CLPTM1: variants seen among roughly 807,000 people sequenced by gnomAD.
CLPTM1 encodes the protein CLPTM1 regulator of GABA type A receptor forward trafficking, also known as putative lipid scramblase CLPTM1.
Under a neutral mutation model 77.3 loss-of-function variants are expected in CLPTM1, and 21 were observed. That is an observed-to-expected ratio of 0.27 (90% confidence interval 0.19 to 0.39). The LOEUF is 0.39. Ranked by LOEUF, CLPTM1 falls within the 10% of genes least tolerant of loss-of-function variation. CLPTM1 has a pLI of 1.00. For missense variants in CLPTM1, 642 were observed against 921.2 expected, an observed-to-expected ratio of 0.70 and a Z score of 3.92; for synonymous variants, 373 against 381.0, an observed-to-expected ratio of 0.98 and a Z score of 0.24.
Position 44,993,215 on chromosome 19 carries a change from C to T in CLPTM1, c.*318C>T, listed in dbSNP as rs902778474. 1.8e-6 allele frequency: 1 copy of T among 557,926 alleles called. No individual in the cohort carries two copies. Among genetic ancestry groups the T allele is most frequent in the Non-Finnish European group, 3.4e-6 (1 of 293,464 alleles). The allele number at this position is 557,926 out of a possible 1,614,324, so 34.6% of individuals were successfully genotyped here. On this transcript the variant is annotated 3_prime_UTR_variant, in exon 14 of 14. Coordinates refer to ENST00000337392, the MANE Select transcript of CLPTM1 (RefSeq NM_001294.4). ...TGGGCGGGGGTGGGGCCGGGCCCCC[C>T]TACGGGATGCCCACGGCCGTTCATC... is the stretch of plus-strand genomic sequence containing the variant.
chr19:44,977,267 G>A, intron 4 of CLPTM1, 76 bp from the exon 5 acceptor site: 2 of 1,055,142 alleles, frequency 1.9e-6, no homozygotes, highest in Non-Finnish European at 2.9e-6. Context: ...TGCTGCAGAT[G>A]GGTGCCAGGC....
chr19:44,976,296 G>A (rs147825223), intron 4 of CLPTM1, among the ~76,000 whole-genome samples: 5 of 152,184 alleles, frequency 3.3e-5, no homozygotes, highest in East Asian at 1.9e-4. Context: ...GATCTAAGTC[G>A]AAGCTTCAGG....
chr19:44,970,984 C>T (rs1367276005), intron 2 of CLPTM1, among the ~76,000 whole-genome samples: 1 of 147,332 alleles, frequency 6.8e-6, no homozygotes, highest in African/African-American at 2.6e-5. Flanking sequence ...GCATGCACCA[C>T]CACTCCTGGC....
upstream of CLPTM1, chr19:44,954,781 G>A (rs555492369): frequency 7.0e-5 from 95 of 1,347,960 alleles, no homozygotes; most frequent in South Asian, 1.4e-3. Flanking sequence ...GGGTCTCATC[G>A]GAGGTTTGTT....
intron 8 of CLPTM1, 153 bp downstream of exon 8, chr19:44,987,576 A>G (rs1966256091): frequency 2.9e-6 from 3 of 1,047,130 alleles, no homozygotes; most frequent in Non-Finnish European, 4.1e-6. Flanking sequence ...CCACAGTGAA[A>G]GGAAGTGGGC....
At chr19:44,987,997 G>A in intron 8 of CLPTM1, 83 bp from the exon 9 acceptor site, 3 of 1,031,438 alleles carry the variant, frequency 2.9e-6, no homozygotes, top group Non-Finnish European at 1.5e-6. Flanking sequence ...TCTACAGGCG[G>A]CCCCAGGGGC....
In CLPTM1 at chr19:44,991,420, A is replaced by C. The variant is rs1367058062; in HGVS notation, c.1555+47A>C. The C allele has an allele frequency of 3.1e-6, 5 of 1,594,626 alleles. No individual in the cohort carries two copies. The highest frequency in any genetic ancestry group is 4.3e-6 in the Non-Finnish European group (5 of 1,173,534). On this transcript the variant is annotated intron_variant, in intron 12 of 13. Coordinates refer to ENST00000337392, the MANE Select transcript of CLPTM1 (RefSeq NM_001294.4). The surrounding 1 kb of genome is among the most constrained non-coding windows in gnomAD (Gnocchi z 5.4). Reference sequence around the variant, plus strand: ...GGAGAGAGCAGGCCCCATGCTGCGCAGGGCTCACAGCCCCAGTGTAGGAGA... The same window carrying C: ...GGAGAGAGCAGGCCCCATGCTGCGCCGGGCTCACAGCCCCAGTGTAGGAGA...
rs1971068026 is a variant in CLPTM1 at position 44,991,118 on chromosome 19, G to T, written c.1420-120G>T. ...CCTGGGCGAGTCCGGAGTCCCCAGG[G>T]CTACCTGGAAATTCCCCCTGCCCGG... On this transcript the variant is annotated intron_variant, in intron 11 of 13. Coordinates refer to ENST00000337392, the MANE Select transcript of CLPTM1 (RefSeq NM_001294.4). This position sits in a 1 kb window ranked among gnomAD's most constrained non-coding sequence, Gnocchi z 5.4. The T allele has an allele frequency of 3.3e-6, 5 of 1,529,976 alleles. No homozygotes were observed. The highest frequency in any genetic ancestry group is 4.4e-6 in the Non-Finnish European group (5 of 1,124,222). 94.8% of individuals were successfully genotyped at this position (1,529,976 alleles called of 1,614,324 possible).
upstream of CLPTM1, chr19:44,954,909 A>G (rs1970432639): frequency 7.0e-7 from 1 of 1,419,450 alleles, no homozygotes; most frequent in Admixed American, 2.1e-5. Flanking sequence ...GCTGGGCAAA[A>G]GGCTAGTTCT....
chr19:44,972,472 A>G (rs575115184), intron 2 of CLPTM1, among the ~76,000 whole-genome samples: 3 of 151,856 alleles, frequency 2.0e-5, no homozygotes, highest in Non-Finnish European at 4.4e-5. Context: ...GATGGTCTCA[A>G]TCTCCTGACC....
chr19:44,954,832 A>C (rs1269142784), upstream of CLPTM1: 5 of 1,196,222 alleles, frequency 4.2e-6, no homozygotes, highest in African/African-American at 7.7e-5. Context: ...AAAACACAGA[A>C]AGGATATGAG....
intron 9 of CLPTM1, among the ~76,000 whole-genome samples, chr19:44,988,436 G>A (rs374939429): frequency 1.3e-5 from 2 of 152,262 alleles, no homozygotes; most frequent in African/African-American, 4.8e-5. Flanking sequence ...AGGAAGCAGG[G>A]CTGGGGAACT....
In CLPTM1 at chr19:44,992,752, C is replaced by T. The variant is rs141261045; in HGVS notation, c.1865C>T (p.Thr622Met). 2.9e-5 allele frequency: 46 copies of T among 1,612,760 alleles called. 1 individual carries two copies. The highest frequency in any genetic ancestry group is 5.5e-5 in the South Asian group (5 of 91,060). Residue 622 changes from threonine (T) to methionine (M), a missense_variant, in exon 14 of 14, where the codon ACG (threonine) becomes ATG (methionine). Thr to Met is a moderately conservative substitution (Grantham distance 81). Coordinates refer to ENST00000337392, the MANE Select transcript of CLPTM1 (RefSeq NM_001294.4). This position sits in a 1 kb window ranked among gnomAD's most constrained non-coding sequence, Gnocchi z 7.7. ...AEVPTAAGAL[T>M]PTPAPTTTTA... is the part of the protein sequence containing the mutation. Reference sequence around the variant, plus strand: ...GTTCCCACAGCAGCAGGGGCCCTCACGCCCACACCTGCACCCACCACGACC... The same window carrying T: ...GTTCCCACAGCAGCAGGGGCCCTCATGCCCACACCTGCACCCACCACGACC...
chr19:44,970,461 ATGATCGTGG>A lies in CLPTM1; in HGVS notation c.186-2624_186-2616del, dbSNP rs1970700784. ...GTTGCCCAGGCTGGAGTGCAGTGGCATGATCGTGGTTCACTGCAGCCTCGACCTCCTGGG... is the reference window on the plus strand; with the variant it reads ...GTTGCCCAGGCTGGAGTGCAGTGGCATTCACTGCAGCCTCGACCTCCTGGG... On this transcript the variant is annotated intron_variant, in intron 2 of 13. Transcript: ENST00000337392. Among the ~76,000 whole-genome samples, 4 of 31,974 alleles carry A rather than the reference ATGATCGTGG, an allele frequency of 1.3e-4. 1 individual carries two copies. The highest frequency in any genetic ancestry group is 2.9e-4 in the African/African-American group (4 of 14,032). 21.0% of individuals were successfully genotyped at this position (31,974 alleles called of 152,430 possible). A position where few individuals can be genotyped will look rare whatever the true frequency, so the allele number is the denominator to read the frequency against.
chr19:44,961,632 G>T (rs1030957084), intron 1 of CLPTM1, among the ~76,000 whole-genome samples: 2 of 152,098 alleles, frequency 1.3e-5, no homozygotes, highest in African/African-American at 4.8e-5. Flanking sequence ...ACTGGACCAG[G>T]TGCCTCTCAG....
Position 44,963,527 on chromosome 19 carries a change from G to A in CLPTM1, c.185+1452G>A, listed in dbSNP as rs191527444. ...TTTTCAGTAGAGATGGGGTTTCACCGTGTTAGCCAGGATGGTCTCTATCTC... is the reference window on the plus strand; with the variant it reads ...TTTTCAGTAGAGATGGGGTTTCACCATGTTAGCCAGGATGGTCTCTATCTC... On this transcript the variant is annotated intron_variant, in intron 2 of 13. Transcript: ENST00000337392. 9.2e-5 allele frequency among the ~76,000 whole-genome samples: 14 copies of A among 151,496 alleles called. No homozygotes were observed. The East Asian group carries it at 1.0e-3, about 11-fold the overall frequency.
rs1271634231 is a variant in CLPTM1 at position 44,990,729 on chromosome 19, A to AT, written c.1324-115dup. On this transcript the variant is annotated intron_variant, in intron 10 of 13. Coordinates refer to ENST00000337392, the MANE Select transcript of CLPTM1 (RefSeq NM_001294.4). This position sits in a 1 kb window ranked among gnomAD's most constrained non-coding sequence, Gnocchi z 4.8. Reference sequence around the variant, plus strand: ...ACTGAGGGGATTTTCTCACCAGGGGATTTTTTGGGTCACACATGGGGCAGG... The same window carrying AT: ...ACTGAGGGGATTTTCTCACCAGGGGATTTTTTTGGGTCACACATGGGGCAGG... 1.0e-5 allele frequency: 13 copies of AT among 1,300,762 alleles called. No homozygotes were observed. In the African/African-American group the frequency reaches 1.1e-4, roughly 11 times the overall value. The allele number at this position is 1,300,762 out of a possible 1,614,324, so 80.6% of individuals were successfully genotyped here.
chr19:44,966,770 T>C (rs530785932), intron 2 of CLPTM1, among the ~76,000 whole-genome samples: 5 of 151,956 alleles, frequency 3.3e-5, no homozygotes, highest in African/African-American at 9.7e-5. Context: ...ATGTTGGCCA[T>C]GATTCCTTTT....
chr19:44,979,327 G>A (rs747297272), intron 5 of CLPTM1, among the ~76,000 whole-genome samples: 7 of 151,978 alleles, frequency 4.6e-5, no homozygotes, highest in African/African-American at 9.7e-5. Context: ...GTCTCCTGAT[G>A]GGCAGCCGTA....
Sources: gnomAD v4.1 joint callset for allele counts (sites outside exome capture counted in the v4.1 genomes callset) on GRCh38, gnomAD v4.1.1 for gene constraint, Gnocchi (gnomAD v3.1) non-coding constraint, MANE v1.5 for transcripts, NCBI Gene and HGNC (gene_info 2026-07-23, HGNC 2026-07-21) for gene names.